The following MAP2 variants were observed in gnomAD, a reference collection of about 807,000 sequenced individuals.
The protein encoded by MAP2 is microtubule associated protein 2, also known as microtubule-associated protein 2.
Under a neutral mutation model 137.6 loss-of-function variants are expected in MAP2, and 14 were observed. The ratio of observed to expected loss-of-function variants is 0.10; its 90% CI spans 0.07 to 0.16. The LOEUF is 0.16. MAP2 is among the 10% of genes least tolerant of loss of function. The probability of loss-of-function intolerance (pLI) is 1.00; values close to 1 mark genes in which losing one functional copy is unlikely to be tolerated. For synonymous variants in MAP2, 786 were observed against 782.3 expected (o/e 1.00, Z -0.08); for missense variants, 2,088 against 2,191.5 (o/e 0.95, Z 0.94).
chr2:209,444,092 A>G (rs980996643), intron 1 of MAP2, among the ~76,000 whole-genome samples: 2 of 151,680 alleles, frequency 1.3e-5, no homozygotes, highest in Admixed American at 1.3e-4. Flanking sequence ...TGTATGCTTG[A>G]AATCTATATT....
rs751287159 is a variant in MAP2, at chr2:209,731,637, T to C, written c.*1240T>C. ...TTTTTTCTTTATTTTTCTTTTTTTTTCCATTTGCTAAAGTTGAAAGTTGAA... is the reference window on the plus strand; with the variant it reads ...TTTTTTCTTTATTTTTCTTTTTTTTCCCATTTGCTAAAGTTGAAAGTTGAA... On this transcript the variant is annotated 3_prime_UTR_variant, in exon 16 of 16. Coordinates refer to ENST00000682079, the MANE Select transcript of MAP2 (RefSeq NM_001375505.1). 2.0e-5 allele frequency: 3 copies of C among 152,620 alleles called. No homozygotes were observed. Among genetic ancestry groups the C allele is most frequent in the Admixed American group, 6.6e-5 (1 of 15,266 alleles). 9.5% of individuals were successfully genotyped at this position (152,620 alleles called of 1,614,324 possible). A position where few individuals can be genotyped will look rare whatever the true frequency, so the allele number is the denominator to read the frequency against.
intron 3 of MAP2, among the ~76,000 whole-genome samples, chr2:209,589,389 A>G (rs757176086): frequency 1.2e-4 from 19 of 152,326 alleles, no homozygotes; most frequent in Non-Finnish European, 2.6e-4. Flanking sequence ...TCTGACTCCA[A>G]AGCCTTTACT....
At chr2:209,427,562 C>T (rs758725125) in intron 1 of MAP2, among the ~76,000 whole-genome samples, 2 of 151,914 alleles carry the variant, frequency 1.3e-5, no homozygotes, top group Admixed American at 6.6e-5. Context: ...CTTTTTAATT[C>T]GACATTTGGA....
chr2:209,672,559 G>A (rs982253976), intron 5 of MAP2, among the ~76,000 whole-genome samples: 2 of 151,822 alleles, frequency 1.3e-5, no homozygotes, highest in African/African-American at 4.8e-5. Flanking sequence ...TACTTAACAA[G>A]GTCTTTTGGC....
chr2:209,663,031 G>A (rs1167464537), intron 5 of MAP2, among the ~76,000 whole-genome samples: 2 of 150,958 alleles, frequency 1.3e-5, no homozygotes, highest in Non-Finnish European at 3.0e-5. Context: ...GTTTGCCACT[G>A]TATGCCAAAT....
intron 3 of MAP2, among the ~76,000 whole-genome samples, chr2:209,594,539 G>T (rs941355292): frequency 6.6e-6 from 1 of 152,000 alleles, no homozygotes; most frequent in Non-Finnish European, 1.5e-5. Context: ...TTCTGTCTCA[G>T]CCCGTCTGCA....
chr2:209,705,336 T>C (rs2063082793), intron 11 of MAP2: 2 of 275,880 alleles, frequency 7.2e-6, no homozygotes, highest in Non-Finnish European at 1.3e-5. Context: ...TATTATCATT[T>C]AGAACTTGAA....
chr2:209,426,156 CT>C (rs1692519190), intron 1 of MAP2, among the ~76,000 whole-genome samples: 1 of 152,078 alleles, frequency 6.6e-6, no homozygotes, highest in African/African-American at 2.4e-5. Context: ...GTGGTACATG[CT>C]GTTTATCTGT....
At chr2:209,558,017 C>T (rs575055673) in intron 2 of MAP2, among the ~76,000 whole-genome samples, 2 of 152,250 alleles carry the variant, frequency 1.3e-5, no homozygotes, top group East Asian at 3.9e-4. Flanking sequence ...AGCTACAGAA[C>T]AATTGAAAGA....
intron 2 of MAP2, among the ~76,000 whole-genome samples, chr2:209,558,884 A>G (rs1286773085): frequency 6.6e-6 from 1 of 151,876 alleles, no homozygotes; most frequent in East Asian, 1.9e-4. Flanking sequence ...CAGAGTATAT[A>G]TTTTTTGGGG....
chr2:209,664,492 G>A (rs2045300631), intron 5 of MAP2, among the ~76,000 whole-genome samples: 1 of 152,156 alleles, frequency 6.6e-6, no homozygotes, highest in African/African-American at 2.4e-5. Flanking sequence ...GGAGGTTACA[G>A]TGAGTCAGAT....
At chr2:209,552,056 T>C (rs1043036379) in intron 2 of MAP2, among the ~76,000 whole-genome samples, 2 of 152,246 alleles carry the variant, frequency 1.3e-5, no homozygotes, top group Non-Finnish European at 2.9e-5. Flanking sequence ...TATTTCTGTT[T>C]TGGAATCATG....
intron 12 of MAP2, among the ~76,000 whole-genome samples, chr2:209,708,718 G>A (rs998602769): frequency 2.0e-5 from 3 of 151,972 alleles, no homozygotes; most frequent in Non-Finnish European, 4.4e-5. Context: ...TTTTACTTAA[G>A]CAGCAGTAAA....
At chr2:209,619,590 C>A (rs1158513808) in intron 3 of MAP2, among the ~76,000 whole-genome samples, 1 of 151,818 alleles carries the variant, frequency 6.6e-6, no homozygotes, top group African/African-American at 2.4e-5. Context: ...TGCTGCTCAA[C>A]GTTCCCTATA....
At chr2:209,570,526 A>T (rs574595747) in intron 2 of MAP2, among the ~76,000 whole-genome samples, 1 of 152,072 alleles carries the variant, frequency 6.6e-6, no homozygotes, top group Non-Finnish European at 1.5e-5. Context: ...TATCAGAATC[A>T]TGTCATATGC....
intron 5 of MAP2, among the ~76,000 whole-genome samples, chr2:209,673,321 T>C (rs2049722528): frequency 6.6e-6 from 1 of 151,816 alleles, no homozygotes; most frequent in Admixed American, 6.6e-5. Flanking sequence ...GTTATAATAT[T>C]TTTTATTACT....
chr2:209,617,269 T>G (rs2089795955), intron 3 of MAP2, among the ~76,000 whole-genome samples: 1 of 152,130 alleles, frequency 6.6e-6, no homozygotes, highest in Non-Finnish European at 1.5e-5. Flanking sequence ...CATTTTGGGT[T>G]ATTGTTTTCT....
At position 209,695,306 on chromosome 2, in the gene MAP2, C is replaced by G. The variant is rs768185810; in HGVS notation, c.3136C>G (p.Leu1046Val). 7 of 1,613,998 alleles carry G rather than the reference C, an allele frequency of 4.3e-6. No individual in the cohort carries two copies. The highest frequency in any genetic ancestry group is 2.2e-5 in the South Asian group (2 of 91,054). Residue 1046 changes from leucine to valine, a missense_variant, in exon 8 of 16, where the codon CTA (leucine) becomes GTA (valine). This residue lies in a region of MAP2 where 500 missense variants were observed against 482.9 expected (regional missense o/e 1.04). Coordinates refer to ENST00000682079, the MANE Select transcript of MAP2 (RefSeq NM_001375505.1). ...QGLDFAVQGQ[L>V]DVKISDFGQM... ...TCTGGATTTTGCTGTCCAGGGTCAA[C>G]TAGATGTTAAAATTAGTGACTTTGG...
At chr2:209,714,157 C>A (rs193266569) in intron 13 of MAP2, among the ~76,000 whole-genome samples, 1 of 152,086 alleles carries the variant, frequency 6.6e-6, no homozygotes, top group African/African-American at 2.4e-5. Flanking sequence ...GCCAAGACCA[C>A]GCCATTGCAC....
Sources: allele counts gnomAD v4.1 joint callset (sites outside exome capture counted in the v4.1 genomes callset), GRCh38; gene constraint gnomAD v4.1.1; regional missense constraint gnomAD v4.1.1; transcripts MANE v1.5; gene names NCBI Gene and HGNC (gene_info 2026-07-23, HGNC 2026-07-21).